TRPC7: variants seen among roughly 807,000 people sequenced by gnomAD.
The protein encoded by TRPC7 is short transient receptor potential channel 7.
Under a neutral mutation model 90.1 loss-of-function variants are expected in TRPC7, and 42 were observed. The ratio of observed to expected loss-of-function variants is 0.47; its 90% confidence interval spans 0.36 to 0.60. TRPC7 has a LOEUF of 0.60. TRPC7 is among the 20% of genes least tolerant of loss of function. TRPC7 has a pLI of 0.00. For synonymous variants in TRPC7, 451 were observed against 436.3 expected (o/e 1.03, Z -0.42); for missense variants, 955 against 1,112.3 (o/e 0.86, Z 2.01).
intron 11 of TRPC7, chr5:136,214,270 C>T (rs1340873316): frequency 6.6e-6 from 1 of 152,492 alleles, no homozygotes; most frequent in Non-Finnish European, 1.5e-5. Flanking sequence ...CCACAGAGAA[C>T]CTTGTGGTTA....
intron 3 of TRPC7, among the ~76,000 whole-genome samples, chr5:136,293,598 T>A (rs1322600151): frequency 6.6e-6 from 1 of 152,132 alleles, no homozygotes; most frequent in Admixed American, 6.5e-5. Context: ...GTGAAGGACC[T>A]CTTCAAGGAG....
At chr5:136,327,426 G>T (rs1759375851) in intron 2 of TRPC7, among the ~76,000 whole-genome samples, 1 of 152,190 alleles carries the variant, frequency 6.6e-6, no homozygotes, top group Non-Finnish European at 1.5e-5. Context: ...TGAAAGGGCT[G>T]CAGGAACACT....
At chr5:136,225,175 G>A in intron 10 of TRPC7, 99 bp downstream of exon 10, 1 of 1,012,106 alleles carries the variant, frequency 9.9e-7, no homozygotes, top group Non-Finnish European at 1.5e-6. Context: ...AAGGAATGAA[G>A]CTGTGTTCTC....
At chr5:136,326,990 C>CA (rs1348618891) in intron 2 of TRPC7, among the ~76,000 whole-genome samples, 1 of 152,038 alleles carries the variant, frequency 6.6e-6, no homozygotes, top group Non-Finnish European at 1.5e-5. Context: ...AAACTGGAGT[C>CA]AGAGAGTGTG....
At chr5:136,284,588 C>T (rs1757651324) in intron 3 of TRPC7, among the ~76,000 whole-genome samples, 1 of 152,174 alleles carries the variant, frequency 6.6e-6, no homozygotes, top group Non-Finnish European at 1.5e-5. Flanking sequence ...TGTCTTGGCT[C>T]TCATTGCCCT....
At chr5:136,306,243 C>T (rs1758624139) in intron 3 of TRPC7, among the ~76,000 whole-genome samples, 1 of 152,208 alleles carries the variant, frequency 6.6e-6, no homozygotes, top group Non-Finnish European at 1.5e-5. Flanking sequence ...TAGGCACTCT[C>T]TAATCATATG....
At position 136,302,473 on chromosome 5, in the gene TRPC7, C is replaced by T. The variant is rs558789337; in HGVS notation, c.963+13124G>A. Among the ~76,000 whole-genome samples, 11 of 152,268 alleles carry T rather than the reference C, an allele frequency of 7.2e-5. No individual in the cohort carries two copies. In the East Asian group the frequency reaches 1.9e-3, roughly 27 times the overall value. On this transcript the variant is annotated intron_variant, in intron 3 of 11. Coordinates refer to ENST00000513104, the MANE Select transcript of TRPC7 (RefSeq NM_020389.3). The stretch of plus-strand genomic sequence containing the variant: ...TTTCCATGCCCCGACCCCTTTCCCA[C>T]TTTTCTGGAGGGTAAGAACCCCTGA...
intron 7 of TRPC7, among the ~76,000 whole-genome samples, chr5:136,242,127 T>A (rs1756189307): frequency 6.6e-6 from 1 of 152,242 alleles, no homozygotes; most frequent in Admixed American, 6.5e-5. Flanking sequence ...CAGTCTGAAC[T>A]GAGAACTTTT....
chr5:136,306,846 C>T (rs571327564), intron 3 of TRPC7, among the ~76,000 whole-genome samples: 4 of 152,140 alleles, frequency 2.6e-5, no homozygotes, highest in Non-Finnish European at 4.4e-5. Context: ...CACCCCTGCC[C>T]GCAAAACATT....
intron 1 of TRPC7, among the ~76,000 whole-genome samples, chr5:136,363,354 G>A (rs142265112): frequency 3.9e-5 from 6 of 152,174 alleles, no homozygotes; most frequent in African/African-American, 1.4e-4. Context: ...GTGCTCTAGT[G>A]AAATTGGATA....
At chr5:136,299,160 G>T (rs1351839464) in intron 3 of TRPC7, among the ~76,000 whole-genome samples, 3 of 152,026 alleles carry the variant, frequency 2.0e-5, no homozygotes, top group Non-Finnish European at 4.4e-5. Context: ...AATTAGCTGG[G>T]CGTGCTAGTG....
intron 3 of TRPC7, among the ~76,000 whole-genome samples, chr5:136,310,345 A>G (rs981037627): frequency 1.3e-5 from 2 of 152,136 alleles, no homozygotes; most frequent in Non-Finnish European, 2.9e-5. Flanking sequence ...TTTTTTAAAA[A>G]TACAACAGTG....
At chr5:136,345,953 G>C (rs1240333320) in intron 2 of TRPC7, among the ~76,000 whole-genome samples, 2 of 152,118 alleles carry the variant, frequency 1.3e-5, no homozygotes, top group East Asian at 3.9e-4. Context: ...TTGTTAAATA[G>C]GGAATCCTTT....
intron 6 of TRPC7, among the ~76,000 whole-genome samples, chr5:136,249,518 A>G (rs1756453348): frequency 1.3e-5 from 2 of 152,212 alleles, no homozygotes; most frequent in South Asian, 2.1e-4. Flanking sequence ...CTCCCGTTAA[A>G]CAGAAGGCAA....
intron 5 of TRPC7, among the ~76,000 whole-genome samples, chr5:136,252,085 AAC>A (rs771315836): frequency 2.1e-4 from 32 of 152,344 alleles, no homozygotes; most frequent in Admixed American, 3.9e-4. Context: ...TGTGCTTACG[AAC>A]ACACTGTCTC....
intron 2 of TRPC7, among the ~76,000 whole-genome samples, chr5:136,339,985 A>T (rs1335963758): frequency 6.6e-6 from 1 of 152,198 alleles, no homozygotes; most frequent in Admixed American, 6.5e-5. Flanking sequence ...ACCTTTGAGG[A>T]ATTGAAGTCA....
In TRPC7 at chr5:136,356,873, G is replaced by A; in HGVS notation, c.515C>T (p.Ala172Val). 1 of 1,613,866 alleles carries A rather than the reference G, an allele frequency of 6.2e-7. No homozygotes were observed. The highest frequency in any genetic ancestry group is 1.1e-5 in the South Asian group (1 of 91,082). ...CACGATCTCATACTCCTGGCAGTGC[G>A]CCGCCAGGATGATGGGCGTGATGTC... is the stretch of plus-strand genomic sequence containing the variant. ...SHDITPIILA[A>V]HCQEYEIVHI... The change falls in exon 2 of 12, where the codon GCG (alanine) becomes GTG (valine). Residue 172 changes from alanine (A) to valine (V), a missense_variant. Ala to Val is a moderately conservative substitution (Grantham distance 64). Coordinates refer to ENST00000513104, the MANE Select transcript of TRPC7 (RefSeq NM_020389.3).
chr5:136,326,931 G>A (rs565650009), intron 2 of TRPC7, among the ~76,000 whole-genome samples: 1 of 152,140 alleles, frequency 6.6e-6, no homozygotes, highest in African/African-American at 2.4e-5. Context: ...TAGAAGACCT[G>A]GGGGGAGGTG....
intron 1 of TRPC7, among the ~76,000 whole-genome samples, chr5:136,364,268 C>T (rs560468277): frequency 2.8e-4 from 42 of 152,182 alleles, no homozygotes; most frequent in Non-Finnish European, 5.0e-4. Context: ...ATCTAGTCTA[C>T]ATGCACCTAA....
Sources: allele counts gnomAD v4.1 joint callset (sites outside exome capture counted in the v4.1 genomes callset), GRCh38; gene constraint gnomAD v4.1.1; transcripts MANE v1.5; gene names NCBI Gene and HGNC (gene_info 2026-07-23, HGNC 2026-07-21).